Variants in PTPRZ1 observed in about 807,000 individuals in gnomAD.
PTPRZ1 encodes protein tyrosine phosphatase receptor type Z1.
Under a neutral mutation model 214.1 loss-of-function variants are expected in PTPRZ1, and 82 were observed. The observed-to-expected ratio is 0.38, with a 90% CI of 0.32 to 0.46. The LOEUF is 0.46. Among genes scored for constraint, PTPRZ1 ranks in the 20% least tolerant of loss-of-function variants. The probability of loss-of-function intolerance (pLI) is 1.00; values close to 1 mark genes in which losing one functional copy is unlikely to be tolerated. For synonymous variants in PTPRZ1, 945 were observed against 987.9 expected (o/e 0.96, Z 0.81); for missense variants, 2,603 against 2,748.7 (o/e 0.95, Z 1.19).
At chr7:121,887,740 G>A (rs1794443773) in intron 1 of PTPRZ1, among the ~76,000 whole-genome samples, 1 of 152,112 alleles carries the variant, frequency 6.6e-6, no homozygotes, top group South Asian at 2.1e-4. Context: ...AGCGGTGGGA[G>A]AATCTACTTT....
At position 122,011,817 on chromosome 7, in the gene PTPRZ1, C is replaced by T; in HGVS notation, c.2771C>T (p.Pro924Leu). ...DAMMHARSSG[P>L]EPSYALSDNE... is the part of the protein sequence containing the mutation. ...ATGATGCATGCACGTTCTTCAGGGC[C>T]TGAACCTTCTTATGCCTTGTCTGAT... The change falls in exon 12 of 30, where the codon CCT (proline) becomes CTT (leucine). Residue 924 changes from proline (P) to leucine (L), a missense_variant. Transcript: ENST00000393386. 1 of 1,614,066 alleles carries T rather than the reference C, an allele frequency of 6.2e-7. No homozygotes were observed. Among genetic ancestry groups the T allele is most frequent in the Non-Finnish European group, 8.5e-7 (1 of 1,179,932 alleles).
chr7:122,013,158 A>G lies in PTPRZ1; in HGVS notation c.4112A>G (p.Asn1371Ser). Residue 1371 changes from asparagine (N) to serine (S), a missense_variant, in exon 12 of 30, where the codon AAT (asparagine) becomes AGT (serine). Physicochemically the swap from Asn to Ser is conservative, Grantham distance 46. This residue lies in a region of PTPRZ1 where 1,913 missense variants were observed against 1,914.3 expected (regional missense o/e 1.00). Transcript: ENST00000393386. ...VSTDHSVPIG[N>S]GHVAITAVSP... ...ACTGATCATTCTGTTCCTATAGGAA[A>G]TGGGCATGTTGCCATTACAGCTGTT... 6.2e-7 allele frequency: 1 copy of G among 1,614,052 alleles called. No homozygotes were observed. The highest frequency in any genetic ancestry group is 8.5e-7 in the Non-Finnish European group (1 of 1,179,896).
intron 1 of PTPRZ1, 124 bp downstream of exon 1, chr7:121,873,681 C>A: frequency 8.3e-7 from 1 of 1,199,176 alleles, no homozygotes; most frequent in Non-Finnish European, 1.2e-6. Flanking sequence ...AAGGGACAGC[C>A]AACTGGGCTC....
At chr7:122,028,405 T>C (rs1176296018) in intron 13 of PTPRZ1, 147 bp from the exon 14 acceptor site, 2 of 524,818 alleles carry the variant, frequency 3.8e-6, no homozygotes, top group East Asian at 6.4e-5. Context: ...CTTGTTAAAA[T>C]GGATGTAGAT....
chr7:121,982,991 A>G (rs1484213260), intron 6 of PTPRZ1, among the ~76,000 whole-genome samples: 1 of 152,036 alleles, frequency 6.6e-6, no homozygotes, highest in Non-Finnish European at 1.5e-5. Context: ...GTTAGCCAGG[A>G]TGGTCTCGAA....
chr7:121,910,131 A>G (rs1425191228), intron 1 of PTPRZ1, among the ~76,000 whole-genome samples: 2 of 152,048 alleles, frequency 1.3e-5, no homozygotes, highest in African/African-American at 4.8e-5. Flanking sequence ...CTGTTTTTCC[A>G]ACACATGGGG....
chr7:122,010,481 A>G lies in PTPRZ1; in HGVS notation c.1435A>G (p.Thr479Ala), dbSNP rs368859299. The G allele has an allele frequency of 6.2e-7, 1 of 1,613,950 alleles. No individual in the cohort carries two copies. Among genetic ancestry groups the G allele is most frequent in the African/African-American group, 1.3e-5 (1 of 74,912 alleles). Residue 479 changes from threonine (T) to alanine (A), a missense_variant, in exon 12 of 30, where the codon ACT becomes GCT. Thr to Ala is a moderately conservative substitution (Grantham distance 58). This residue lies in a region of PTPRZ1 where 1,913 missense variants were observed against 1,914.3 expected (regional missense o/e 1.00). Coordinates refer to ENST00000393386, the MANE Select transcript of PTPRZ1 (RefSeq NM_002851.3). Reference protein sequence around the residue: ...RIGTKYNEAKTNRSPTRGSEF... With the variant: ...RIGTKYNEAKANRSPTRGSEF... Reference sequence around the variant, plus strand: ...AGGGACGAAATACAATGAAGCCAAGACTAACCGATCCCCAACAAGAGGAAG... The same window carrying G: ...AGGGACGAAATACAATGAAGCCAAGGCTAACCGATCCCCAACAAGAGGAAG...
chr7:121,874,840 GGAAGACA>G (rs1303852871), intron 1 of PTPRZ1, among the ~76,000 whole-genome samples: 3 of 152,044 alleles, frequency 2.0e-5, no homozygotes, highest in Non-Finnish European at 4.4e-5. Context: ...TCTGGAGAGG[GGAAGACA>G]GCTTTAAAAA....
At chr7:122,024,646 T>C (rs1428187519) in intron 13 of PTPRZ1, among the ~76,000 whole-genome samples, 1 of 152,168 alleles carries the variant, frequency 6.6e-6, no homozygotes, top group Non-Finnish European at 1.5e-5. Context: ...TAAGGTCTTT[T>C]AGGGAAATTA....
intron 2 of PTPRZ1, among the ~76,000 whole-genome samples, chr7:121,956,060 C>T (rs551714148): frequency 1.3e-5 from 2 of 152,074 alleles, no homozygotes; most frequent in East Asian, 3.9e-4. Context: ...GAGAGAGCTT[C>T]AGCATCCTCT....
At chr7:121,912,621 G>A (rs1349497496) in intron 1 of PTPRZ1, among the ~76,000 whole-genome samples, 1 of 152,182 alleles carries the variant, frequency 6.6e-6, no homozygotes, top group Non-Finnish European at 1.5e-5. Context: ...CAGTGCTTAA[G>A]TATGTTACAG....
chr7:121,926,242 T>C (rs540590952), intron 1 of PTPRZ1, among the ~76,000 whole-genome samples: 16 of 148,284 alleles, frequency 1.1e-4, no homozygotes, highest in African/African-American at 2.5e-4. Context: ...GAGGTGGAGG[T>C]TGCAGTGAGC....
intron 2 of PTPRZ1, among the ~76,000 whole-genome samples, chr7:121,935,200 G>A (rs188836873): frequency 1.2e-4 from 19 of 152,176 alleles, no homozygotes; most frequent in East Asian, 1.9e-4. Context: ...GAATAGCATC[G>A]CAATTAGATA....
intron 2 of PTPRZ1, among the ~76,000 whole-genome samples, chr7:121,946,107 C>T (rs1222193381): frequency 2.6e-5 from 4 of 152,270 alleles, no homozygotes; most frequent in South Asian, 4.1e-4. Flanking sequence ...ATGCTCTGAT[C>T]TGAGTGGGAA....
chr7:121,874,065 C>CACACACACAA (rs1554421850), intron 1 of PTPRZ1, among the ~76,000 whole-genome samples: 27 of 151,314 alleles, frequency 1.8e-4, no homozygotes, highest in African/African-American at 6.1e-4. Flanking sequence ...CACACACACA[C>CACACACACAA]CTGAAAGGTA....
chr7:121,962,464 T>G (rs1381311070), intron 2 of PTPRZ1, among the ~76,000 whole-genome samples: 1 of 148,488 alleles, frequency 6.7e-6, no homozygotes, highest in East Asian at 2.0e-4. Context: ...ATAATAATAA[T>G]AATAATAATA....
intron 1 of PTPRZ1, among the ~76,000 whole-genome samples, chr7:121,921,652 TAA>T (rs1795600657): frequency 6.6e-6 from 1 of 152,172 alleles, no homozygotes; most frequent in South Asian, 2.1e-4. Flanking sequence ...TTATTTTGCA[TAA>T]AGTTTCTATT....
intron 6 of PTPRZ1, among the ~76,000 whole-genome samples, chr7:121,983,316 A>C (rs1026503117): frequency 1.3e-5 from 2 of 152,168 alleles, no homozygotes; most frequent in African/African-American, 2.4e-5. Flanking sequence ...GATCATCTTC[A>C]CCAGAATAAG....
At chr7:122,001,052 C>T (rs1798308106) in intron 10 of PTPRZ1, among the ~76,000 whole-genome samples, 1 of 151,970 alleles carries the variant, frequency 6.6e-6, no homozygotes, top group African/African-American at 2.4e-5. Flanking sequence ...CTTTAACTTC[C>T]TAAATGTGAT....
Sources: allele counts gnomAD v4.1 joint callset (sites outside exome capture counted in the v4.1 genomes callset), GRCh38; gene constraint gnomAD v4.1.1; regional missense constraint gnomAD v4.1.1; transcripts MANE v1.5; gene names NCBI Gene and HGNC (gene_info 2026-07-23, HGNC 2026-07-21).